TTC29: variants seen among roughly 807,000 people sequenced by gnomAD.
TTC29 encodes tetratricopeptide repeat domain 29, also known as tetratricopeptide repeat protein 29.
A neutral mutation model predicts 58.1 loss-of-function variants in TTC29; 49 were observed. The ratio of observed to expected loss-of-function variants is 0.84; its 90% CI spans 0.67 to 1.07. The LOEUF (loss-of-function observed/expected upper bound fraction) is 1.07, where lower values mean the gene tolerates loss of function less well. TTC29 is among the 50% of genes least tolerant of loss of function. TTC29 has a pLI of 0.00. For missense variants in TTC29, 582 were observed against 555.6 expected (o/e 1.05, Z -0.48); for synonymous variants, 209 against 196.8 (o/e 1.06, Z -0.52).
At chr4:146,845,492 TATG>T in intron 8 of TTC29, among the ~76,000 whole-genome samples, 1 of 152,302 alleles carries the variant, frequency 6.6e-6, no homozygotes, top group South Asian at 2.1e-4. Flanking sequence ...TCATTATACC[TATG>T]ATAACATAAC....
chr4:146,911,195 C>T (rs777355633), intron 4 of TTC29, among the ~76,000 whole-genome samples: 72 of 152,282 alleles, frequency 4.7e-4, no homozygotes, highest in Non-Finnish European at 7.1e-4. Flanking sequence ...CCTGTAATTG[C>T]CCACAGCCCA....
chr4:146,738,710 G>A (rs182840538), intron 11 of TTC29, among the ~76,000 whole-genome samples: 16 of 152,166 alleles, frequency 1.1e-4, no homozygotes, highest in Admixed American at 2.6e-4. Context: ...CACCTGCCCC[G>A]CAGCGAGACT....
At chr4:146,755,825 A>C in intron 11 of TTC29, among the ~76,000 whole-genome samples, 1 of 152,274 alleles carries the variant, frequency 6.6e-6, no homozygotes, top group South Asian at 2.1e-4. Flanking sequence ...AGTATGACCC[A>C]AAACCAAGTC....
chr4:146,780,912 T>G (rs1748545292), intron 11 of TTC29, among the ~76,000 whole-genome samples: 1 of 152,068 alleles, frequency 6.6e-6, no homozygotes, highest in Non-Finnish European at 1.5e-5. Flanking sequence ...TGGACCTGCA[T>G]GAGTCTCACA....
At chr4:146,807,073 G>A (rs1300613638) in intron 10 of TTC29, among the ~76,000 whole-genome samples, 2 of 152,160 alleles carry the variant, frequency 1.3e-5, no homozygotes, top group South Asian at 4.1e-4. Context: ...TAGAACTCAG[G>A]ATTAAGAAAC....
chr4:146,725,649 T>A (rs1405384204), intron 11 of TTC29, among the ~76,000 whole-genome samples: 1 of 152,202 alleles, frequency 6.6e-6, no homozygotes, highest in African/African-American at 2.4e-5. Context: ...TTTATATCTA[T>A]CTGTCCATTA....
At chr4:146,923,487 A>G (rs1413585134) in intron 4 of TTC29, among the ~76,000 whole-genome samples, 1 of 151,762 alleles carries the variant, frequency 6.6e-6, no homozygotes, top group Non-Finnish European at 1.5e-5. Context: ...ACACTCACAC[A>G]TGATTAAGAA....
intron 6 of TTC29, among the ~76,000 whole-genome samples, chr4:146,895,988 T>C (rs1301063382): frequency 1.3e-5 from 2 of 152,184 alleles, no homozygotes; most frequent in South Asian, 2.1e-4. Context: ...ATAGTAAATA[T>C]TAAAAATGCA....
At chr4:146,794,548 C>G (rs113922296) in intron 11 of TTC29, among the ~76,000 whole-genome samples, 143 of 152,082 alleles carry the variant, frequency 9.4e-4, no homozygotes, top group African/African-American at 3.4e-3. Context: ...CAAATTTTCC[C>G]AAGTTTTCTC....
chr4:146,726,462 AT>A (rs993493078), intron 11 of TTC29, among the ~76,000 whole-genome samples: 5 of 152,096 alleles, frequency 3.3e-5, no homozygotes, highest in East Asian at 3.9e-4. Context: ...AAGAAAAAAA[AT>A]ATTTGACTCA....
At chr4:146,883,753 T>G (rs2150236607) in intron 6 of TTC29, among the ~76,000 whole-genome samples, 1 of 152,150 alleles carries the variant, frequency 6.6e-6, no homozygotes, top group Non-Finnish European at 1.5e-5. Flanking sequence ...CACCTTTGAA[T>G]GAGGCTTCCT....
chr4:146,934,832 CAT>C (rs1302193520), intron 4 of TTC29, among the ~76,000 whole-genome samples: 1 of 152,016 alleles, frequency 6.6e-6, no homozygotes, highest in Admixed American at 6.6e-5. Flanking sequence ...GGAACAGAAA[CAT>C]AACTATTAGA....
intron 7 of TTC29, among the ~76,000 whole-genome samples, chr4:146,868,772 G>A (rs1365608923): frequency 2.6e-5 from 4 of 152,048 alleles, no homozygotes; most frequent in Non-Finnish European, 2.9e-5. Context: ...CAAGTGATAC[G>A]GTTTTGGTGT....
chr4:146,840,490 C>T (rs993181681), intron 8 of TTC29, among the ~76,000 whole-genome samples: 2 of 152,026 alleles, frequency 1.3e-5, no homozygotes, highest in Admixed American at 6.6e-5. Context: ...GACTTACAGA[C>T]ACTGAAATTA....
At chr4:146,709,926 T>C (rs960177735) in intron 11 of TTC29, among the ~76,000 whole-genome samples, 1 of 152,116 alleles carries the variant, frequency 6.6e-6, no homozygotes, top group Non-Finnish European at 1.5e-5. Flanking sequence ...TCCCTCTACT[T>C]CTTCACTAGA....
intron 4 of TTC29, among the ~76,000 whole-genome samples, chr4:146,912,794 G>A (rs1172093612): frequency 6.6e-6 from 1 of 152,038 alleles, no homozygotes; most frequent in Non-Finnish European, 1.5e-5. Context: ...AGGTGCTGGG[G>A]GTGGAACCAG....
intron 11 of TTC29, among the ~76,000 whole-genome samples, chr4:146,710,874 A>G (rs1742439043): frequency 6.6e-6 from 1 of 152,136 alleles, no homozygotes; most frequent in Admixed American, 6.6e-5. Context: ...CAATAGAATA[A>G]GCCAGTAAAT....
chr4:146,834,596 T>C (rs917117641), intron 8 of TTC29, among the ~76,000 whole-genome samples: 2 of 152,200 alleles, frequency 1.3e-5, no homozygotes, highest in African/African-American at 4.8e-5. Context: ...TCCTTTTTCC[T>C]TCATTATTAC....
At chr4:146,848,327 A>G (rs1729307490) in intron 8 of TTC29, among the ~76,000 whole-genome samples, 2 of 152,234 alleles carry the variant, frequency 1.3e-5, no homozygotes, top group Admixed American at 6.5e-5. Flanking sequence ...CTTCCATTCC[A>G]ATGCTAAGAA....
Sources: gnomAD v4.1 joint callset for allele counts (sites outside exome capture counted in the v4.1 genomes callset) on GRCh38, gnomAD v4.1.1 for gene constraint, MANE v1.5 for transcripts, NCBI Gene and HGNC (gene_info 2026-07-23, HGNC 2026-07-21) for gene names.